The following CNTNAP2 variants were observed in gnomAD, a reference collection of about 807,000 sequenced individuals.
CNTNAP2 encodes contactin-associated protein-like 2.
CNTNAP2 carries 98 observed loss-of-function variants against 155.2 expected under a neutral mutation model. That is an observed-to-expected ratio of 0.63 (90% CI 0.54 to 0.75). The LOEUF (loss-of-function observed/expected upper bound fraction) is 0.75, where lower values mean the gene tolerates loss of function less well. CNTNAP2 is among the 30% of genes least tolerant of loss of function. CNTNAP2 has a pLI of 0.00. For missense variants in CNTNAP2, 1,727 were observed against 1,688.1 expected (o/e 1.02, Z -0.40); for synonymous variants, 651 against 631.2 (o/e 1.03, Z -0.47).
chr7:148,295,694 T>C (rs749489264), intron 21 of CNTNAP2, among the ~76,000 whole-genome samples: 1 of 151,450 alleles, frequency 6.6e-6, no homozygotes, highest in Non-Finnish European at 1.5e-5. Flanking sequence ...GGTTTCACCG[T>C]GTTAGCCAGG....
intron 1 of CNTNAP2, among the ~76,000 whole-genome samples, chr7:146,720,438 A>G (rs1801266061): frequency 6.6e-6 from 1 of 152,106 alleles, no homozygotes; most frequent in Non-Finnish European, 1.5e-5. Flanking sequence ...TCACGGAGGG[A>G]AGTGCCTACA....
At chr7:148,309,262 T>C (rs1330561236) in intron 21 of CNTNAP2, among the ~76,000 whole-genome samples, 1 of 152,228 alleles carries the variant, frequency 6.6e-6, no homozygotes, top group African/African-American at 2.4e-5. Flanking sequence ...ATAAGACTAT[T>C]GTATGTAGTT....
intron 1 of CNTNAP2, among the ~76,000 whole-genome samples, chr7:146,625,482 G>A (rs2129157509): frequency 6.6e-6 from 1 of 151,884 alleles, no homozygotes; most frequent in South Asian, 2.1e-4. Flanking sequence ...ATAAAACACA[G>A]GCTTATTATT....
chr7:146,566,142 T>C (rs909295406), intron 1 of CNTNAP2, among the ~76,000 whole-genome samples: 1 of 152,206 alleles, frequency 6.6e-6, no homozygotes, highest in African/African-American at 2.4e-5. Flanking sequence ...TTATTCCAGC[T>C]GGGTGCTGCA....
At chr7:146,654,156 G>C (rs1320661647) in intron 1 of CNTNAP2, among the ~76,000 whole-genome samples, 1 of 152,018 alleles carries the variant, frequency 6.6e-6, no homozygotes, top group Non-Finnish European at 1.5e-5. Flanking sequence ...TAATAACAAT[G>C]ATGGACACGA....
chr7:147,408,753 A>G (rs1797052835), intron 10 of CNTNAP2, among the ~76,000 whole-genome samples: 1 of 152,132 alleles, frequency 6.6e-6, no homozygotes, highest in Admixed American at 6.5e-5. Context: ...GCGAGACTCC[A>G]TCTCAATAAT....
At chr7:146,251,954 G>C (rs1408624924) in intron 1 of CNTNAP2, among the ~76,000 whole-genome samples, 1 of 152,258 alleles carries the variant, frequency 6.6e-6, no homozygotes, top group African/African-American at 2.4e-5. Context: ...CAAAGGCTTA[G>C]AGCAAGATCA....
At position 147,627,113 on chromosome 7, in the gene CNTNAP2, A is replaced by AG. The variant is rs200832350; in HGVS notation, c.1898-11987dup. On this transcript the variant is annotated intron_variant, in intron 12 of 23. Coordinates refer to ENST00000361727, the MANE Select transcript of CNTNAP2 (RefSeq NM_014141.6). ...CTCAGGAAGCCCCATCCCTAGGGTA[A>AG]GGGGGGAAGCACCACATCAAGGGAT... Among the ~76,000 whole-genome samples, 668 of 152,272 alleles carry AG rather than the reference A, an allele frequency of 4.4e-3. 6 individuals are homozygous for AG. The highest frequency in any genetic ancestry group is 0.015 in the African/African-American group (604 of 41,550).
chr7:146,954,891 T>C (rs1797401626), intron 3 of CNTNAP2, among the ~76,000 whole-genome samples: 1 of 151,958 alleles, frequency 6.6e-6, no homozygotes, highest in Non-Finnish European at 1.5e-5. Context: ...TCCACATTTC[T>C]TCACTGATTT....
intron 10 of CNTNAP2, among the ~76,000 whole-genome samples, chr7:147,466,446 T>A (rs1278327610): frequency 6.6e-6 from 1 of 152,164 alleles, no homozygotes; most frequent in East Asian, 1.9e-4. Flanking sequence ...AAAGGGGTTC[T>A]GGTTTCTATG....
chr7:147,410,757 A>C (rs564507963), intron 10 of CNTNAP2, among the ~76,000 whole-genome samples: 78 of 151,980 alleles, frequency 5.1e-4, no homozygotes, highest in Non-Finnish European at 9.3e-4. Context: ...ACAGGAATAT[A>C]AGACAGCTCA....
intron 3 of CNTNAP2, 124 bp downstream of exon 3, chr7:146,840,028 A>C: frequency 8.5e-7 from 1 of 1,173,750 alleles, no homozygotes; most frequent in Non-Finnish European, 1.2e-6. Context: ...GAAACTATTT[A>C]TTCATCATTG....
chr7:148,253,044 A>AGAT (rs1554408035), intron 20 of CNTNAP2, among the ~76,000 whole-genome samples: 193 of 116,508 alleles, frequency 1.7e-3, no homozygotes, highest in Non-Finnish European at 2.3e-3. Context: ...ATAGATAGAT[A>AGAT]GATAGACAGA....
chr7:147,461,261 C>T (rs1798019155), intron 10 of CNTNAP2, among the ~76,000 whole-genome samples: 1 of 152,246 alleles, frequency 6.6e-6, no homozygotes, highest in African/African-American at 2.4e-5. Context: ...TTTGGAAATG[C>T]ATCTTTGCTA....
intron 11 of CNTNAP2, among the ~76,000 whole-genome samples, chr7:147,546,322 A>G (rs113384870): frequency 2.6e-5 from 4 of 152,242 alleles, no homozygotes; most frequent in African/African-American, 7.2e-5. Flanking sequence ...TCAGCAGGAA[A>G]AAAAGAAAAT....
At chr7:146,596,729 A>G (rs1318652942) in intron 1 of CNTNAP2, among the ~76,000 whole-genome samples, 4 of 151,938 alleles carry the variant, frequency 2.6e-5, no homozygotes, top group Non-Finnish European at 5.9e-5. Context: ...GCCAGACAGC[A>G]TGGATTCGAA....
intron 15 of CNTNAP2, among the ~76,000 whole-genome samples, chr7:148,091,389 T>C (rs1803837682): frequency 6.6e-6 from 1 of 152,166 alleles, no homozygotes; most frequent in African/African-American, 2.4e-5. Context: ...AATCAAATAG[T>C]TTTTAATTTT....
chr7:147,489,262 C>T lies in CNTNAP2; in HGVS notation c.1777+3221C>T, dbSNP rs532593964. On this transcript the variant is annotated intron_variant, in intron 11 of 23. Coordinates refer to ENST00000361727, the MANE Select transcript of CNTNAP2 (RefSeq NM_014141.6). ...TTAGAGGACTGTCATTTGTGAACTG[C>T]TCCCCTGAGGAGCCAGGATGTCTCC... Among the ~76,000 whole-genome samples, 5 of 152,296 alleles carry T rather than the reference C, an allele frequency of 3.3e-5. No individual in the cohort carries two copies. In the South Asian group the frequency reaches 8.3e-4, roughly 25 times the overall value.
chr7:147,856,861 T>G (rs975188317), intron 13 of CNTNAP2, among the ~76,000 whole-genome samples: 1 of 152,112 alleles, frequency 6.6e-6, no homozygotes, highest in Non-Finnish European at 1.5e-5. Context: ...AAAATCCAGA[T>G]CTTCCTTAAA....
Sources: gnomAD v4.1 joint callset for allele counts (sites outside exome capture counted in the v4.1 genomes callset) on GRCh38, gnomAD v4.1.1 for gene constraint, MANE v1.5 for transcripts, NCBI Gene and HGNC (gene_info 2026-07-23, HGNC 2026-07-21) for gene names.